FUT9: variants seen among roughly 807,000 people sequenced by gnomAD.
FUT9 encodes the protein 4-galactosyl-N-acetylglucosaminide 3-alpha-L-fucosyltransferase 9.
Under a neutral mutation model 29.7 loss-of-function variants are expected in FUT9, and 15 were observed. The observed-to-expected ratio is 0.51, with a 90% CI of 0.34 to 0.78. The LOEUF is 0.78. Among genes scored for constraint, FUT9 ranks in the 30% least tolerant of loss-of-function variants. The pLI is 0.01. For synonymous variants in FUT9, 169 were observed against 153.7 expected (o/e 1.10, Z -0.74); for missense variants, 319 against 425.4 (o/e 0.75, Z 2.20).
chr6:96,083,867 C>A (rs983242732), intron 1 of FUT9, among the ~76,000 whole-genome samples: 1 of 152,018 alleles, frequency 6.6e-6, no homozygotes, highest in African/African-American at 2.4e-5. Context: ...TGCATGTATT[C>A]TTTCATCTAT....
At position 96,180,698 on chromosome 6, in the gene FUT9, T is replaced by C. The variant is rs1270754826; in HGVS notation, c.-8-22450T>C. 2.0e-5 allele frequency among the ~76,000 whole-genome samples: 3 copies of C among 152,086 alleles called. No homozygotes were observed. In the East Asian group the frequency reaches 5.8e-4, roughly 29 times the overall value. On this transcript the variant is annotated intron_variant, in intron 2 of 2. Coordinates refer to ENST00000302103, the MANE Select transcript of FUT9 (RefSeq NM_006581.4). ...AAGAACAACTTTCTTAGCTTCTACA[T>C]ATGAATGAGAACATACAGTATTTAT...
chr6:96,079,958 A>G (rs531804180), intron 1 of FUT9, among the ~76,000 whole-genome samples: 15 of 152,190 alleles, frequency 9.9e-5, no homozygotes, highest in Non-Finnish European at 1.5e-5. Flanking sequence ...ATTCTCACCA[A>G]AAATATTGTC....
intron 2 of FUT9, among the ~76,000 whole-genome samples, chr6:96,122,599 A>G (rs1000697072): frequency 6.6e-6 from 1 of 152,086 alleles, no homozygotes; most frequent in Non-Finnish European, 1.5e-5. Flanking sequence ...TAACATGTTC[A>G]TTTTTTGTAG....
At position 96,207,335 on chromosome 6, in the gene FUT9, CTT is replaced by C. The variant is rs938368278; in HGVS notation, c.*3101_*3102del. ...ACTTTCTTTTCAATCGCATTCATAA[CTT>C]ATTATAGAATTATGTCTCAATTTTT... On this transcript the variant is annotated 3_prime_UTR_variant, in exon 3 of 3. Transcript: ENST00000302103. 1 of 166,902 alleles carries C rather than the reference CTT, an allele frequency of 6.0e-6. No individual in the cohort carries two copies. Among genetic ancestry groups the C allele is most frequent in the African/African-American group, 2.4e-5 (1 of 41,394 alleles). The allele number at this position is 166,902 out of a possible 1,614,324, so 10.3% of individuals were successfully genotyped here. A position where few individuals can be genotyped will look rare whatever the true frequency, so the allele number is the denominator to read the frequency against.
intron 1 of FUT9, among the ~76,000 whole-genome samples, chr6:96,092,924 C>T (rs1771435358): frequency 6.6e-6 from 1 of 151,840 alleles, no homozygotes; most frequent in Admixed American, 6.6e-5. Flanking sequence ...CCATGCCTGG[C>T]TAATTAAAAA....
At chr6:96,202,569 T>C (rs1038260135) in intron 2 of FUT9, among the ~76,000 whole-genome samples, 3 of 152,188 alleles carry the variant, frequency 2.0e-5, no homozygotes, top group Non-Finnish European at 4.4e-5. Flanking sequence ...TTTAAAAATG[T>C]ATCAAATCAA....
At chr6:96,091,198 TA>T (rs1226320855) in intron 1 of FUT9, among the ~76,000 whole-genome samples, 1 of 152,006 alleles carries the variant, frequency 6.6e-6, no homozygotes, top group Non-Finnish European at 1.5e-5. Flanking sequence ...CTCATGCAAA[TA>T]AAAAACCAAA....
rs774487481 is a variant in FUT9 at position 96,204,277 on chromosome 6, A to T, written c.*42A>T. On this transcript the variant is annotated 3_prime_UTR_variant, in exon 3 of 3. Transcript: ENST00000302103. ...CACACTTGATAAATATTTTGATGAG[A>T]TATCATCCAAGTATTGAGGATAAGA... 31 of 1,334,574 alleles carry T rather than the reference A, an allele frequency of 2.3e-5. No homozygotes were observed. Among genetic ancestry groups the T allele is most frequent in the Non-Finnish European group, 3.0e-5 (30 of 1,008,398 alleles). 82.7% of individuals were successfully genotyped at this position (1,334,574 alleles called of 1,614,324 possible).
chr6:96,207,229 A>G lies in FUT9; in HGVS notation c.*2994A>G, dbSNP rs7740756. The G allele has an allele frequency of 0.91, 150,237 of 164,832 alleles. 69,763 individuals carry two copies. Among genetic ancestry groups the G allele is most frequent in the Non-Finnish European group, 0.99 (67,353 of 67,892 alleles). The allele number at this position is 164,832 out of a possible 1,614,324, so 10.2% of individuals were successfully genotyped here. On this transcript the variant is annotated 3_prime_UTR_variant, in exon 3 of 3. Coordinates refer to ENST00000302103, the MANE Select transcript of FUT9 (RefSeq NM_006581.4). ...ATTCAAGACACACATTCACACACAC[A>G]TACACACACACACACACACACCCCA...
Position 96,203,906 on chromosome 6 carries a change from G to T in FUT9, c.751G>T (p.Asp251Tyr). ...YLSFENSIHKDYITEKLYNAF... is the reference protein window; with the variant it reads ...YLSFENSIHKYYITEKLYNAF... Reference sequence around the variant, plus strand: ...TTCCTTTGAAAATTCAATCCACAAGGATTACATCACGGAAAAGCTATACAA... The same window carrying T: ...TTCCTTTGAAAATTCAATCCACAAGTATTACATCACGGAAAAGCTATACAA... Residue 251 changes from aspartate to tyrosine, a missense_variant, in exon 3 of 3, where the codon GAT (aspartate) becomes TAT (tyrosine). Coordinates refer to ENST00000302103, the MANE Select transcript of FUT9 (RefSeq NM_006581.4). The T allele has an allele frequency of 6.2e-7, 1 of 1,612,606 alleles. No individual in the cohort carries two copies. Among genetic ancestry groups the T allele is most frequent in the Non-Finnish European group, 8.5e-7 (1 of 1,179,008 alleles).
Position 96,209,043 on chromosome 6 carries a change from A to G in FUT9, c.*4808A>G, listed in dbSNP as rs1160023639. ...ATATGCATTTTATAAAACAGTTAAC[A>G]GAATCTAAATAAGATATAGCCGGCT... On this transcript the variant is annotated 3_prime_UTR_variant, in exon 3 of 3. Coordinates refer to ENST00000302103, the MANE Select transcript of FUT9 (RefSeq NM_006581.4). The G allele has an allele frequency of 6.0e-6, 1 of 166,882 alleles. No homozygotes were observed. The highest frequency in any genetic ancestry group is 1.5e-5 in the Non-Finnish European group (1 of 68,002). The allele number at this position is 166,882 out of a possible 1,614,324, so 10.3% of individuals were successfully genotyped here.
intron 2 of FUT9, among the ~76,000 whole-genome samples, chr6:96,132,597 A>G (rs1009576736): frequency 6.6e-6 from 1 of 152,092 alleles, no homozygotes; most frequent in Non-Finnish European, 1.5e-5. Context: ...ATTTTGGGGG[A>G]CTTGTTAGCA....
At chr6:96,179,756 G>A (rs1332343521) in intron 2 of FUT9, among the ~76,000 whole-genome samples, 2 of 151,540 alleles carry the variant, frequency 1.3e-5, no homozygotes, top group South Asian at 2.1e-4. Context: ...GAGAACACCT[G>A]AAAAAAAATA....
At chr6:96,119,006 A>C (rs544185463) in intron 2 of FUT9, among the ~76,000 whole-genome samples, 1 of 152,220 alleles carries the variant, frequency 6.6e-6, no homozygotes, top group African/African-American at 2.4e-5. Flanking sequence ...AAACTCAAAG[A>C]CTTAAAAAAT....
intron 2 of FUT9, among the ~76,000 whole-genome samples, chr6:96,125,091 C>T (rs1391399313): frequency 2.6e-5 from 4 of 152,152 alleles, no homozygotes; most frequent in African/African-American, 7.2e-5. Context: ...GGGGTCTCAC[C>T]TCCTTTATCT....
At chr6:96,155,496 A>AG (rs1408605518) in intron 2 of FUT9, among the ~76,000 whole-genome samples, 1 of 151,466 alleles carries the variant, frequency 6.6e-6, no homozygotes, top group East Asian at 2.0e-4. Context: ...ACATGGTGAA[A>AG]CCCCGTCTCT....
chr6:96,198,266 C>T (rs1338935511), intron 2 of FUT9, among the ~76,000 whole-genome samples: 1 of 144,754 alleles, frequency 6.9e-6, no homozygotes, highest in Non-Finnish European at 1.5e-5. Flanking sequence ...ATCCCTCCCA[C>T]CTCCCCCCAC....
intron 2 of FUT9, among the ~76,000 whole-genome samples, chr6:96,149,798 G>A (rs1772643206): frequency 6.6e-6 from 1 of 152,090 alleles, no homozygotes; most frequent in Admixed American, 6.6e-5. Flanking sequence ...TCAAATCAGG[G>A]TAATTGAGGT....
At chr6:96,058,470 A>T (rs1370089385) in intron 1 of FUT9, among the ~76,000 whole-genome samples, 3 of 148,158 alleles carry the variant, frequency 2.0e-5, no homozygotes, top group African/African-American at 7.4e-5. Flanking sequence ...CTTTATTCCA[A>T]AAAAAAAAAA....
Sources: gnomAD v4.1 joint callset for allele counts (sites outside exome capture counted in the v4.1 genomes callset) on GRCh38, gnomAD v4.1.1 for gene constraint, MANE v1.5 for transcripts, NCBI Gene and HGNC (gene_info 2026-07-23, HGNC 2026-07-21) for gene names.